ZNF385D: variants seen among roughly 807,000 people sequenced by gnomAD.
ZNF385D encodes zinc finger protein 659.
A neutral mutation model predicts 35.8 loss-of-function variants in ZNF385D; 15 were observed. That is an observed-to-expected ratio of 0.42 (90% CI 0.28 to 0.64). The LOEUF (loss-of-function observed/expected upper bound fraction) is 0.64, where lower values mean the gene tolerates loss of function less well. Ranked by LOEUF, ZNF385D falls within the 30% of genes least tolerant of loss-of-function variation. ZNF385D has a pLI of 0.23. For missense variants in ZNF385D, 474 were observed against 494.6 expected (o/e 0.96, Z 0.39); for synonymous variants, 212 against 186.8 (o/e 1.13, Z -1.10).
At chr3:21,922,335 T>A (rs1285540624) in intron 3 of ZNF385D, among the ~76,000 whole-genome samples, 1 of 151,948 alleles carries the variant, frequency 6.6e-6, no homozygotes, top group African/African-American at 2.4e-5. Flanking sequence ...GAAAAAGCAC[T>A]CATAAGCAAA....
chr3:22,261,921 G>T (rs114801782), intron 2 of ZNF385D, among the ~76,000 whole-genome samples: 2,385 of 151,542 alleles, frequency 0.016, 48 homozygotes, highest in African/African-American at 0.053. Context: ...ACCTTTTTTT[G>T]TTGTTGTTGT....
chr3:21,876,567 T>C (rs1697984468), intron 3 of ZNF385D, among the ~76,000 whole-genome samples: 1 of 152,004 alleles, frequency 6.6e-6, no homozygotes, highest in Non-Finnish European at 1.5e-5. Context: ...ATTACGTTTA[T>C]TGAGCACCTA....
intron 3 of ZNF385D, among the ~76,000 whole-genome samples, chr3:21,810,154 CA>C (rs35884363): frequency 0.086 from 13,015 of 152,012 alleles, 682 homozygotes; most frequent in Middle Eastern, 0.12. Context: ...AAAATATTAA[CA>C]AATCAAATCT....
intron 3 of ZNF385D, among the ~76,000 whole-genome samples, chr3:21,997,557 G>GAA (rs35859359): frequency 0.12 from 17,975 of 145,092 alleles, 1,289 homozygotes; most frequent in Non-Finnish European, 0.16. Flanking sequence ...TATCTCTGCA[G>GAA]AAAAAAAAAA....
intron 2 of ZNF385D, among the ~76,000 whole-genome samples, chr3:22,218,380 A>G (rs1698027516): frequency 6.6e-6 from 1 of 151,956 alleles, no homozygotes; most frequent in South Asian, 2.1e-4. Flanking sequence ...TTGACTTTTG[A>G]AAACTAACTT....
At chr3:22,203,591 TGTGGACCCATC>T (rs1696951051) in intron 2 of ZNF385D, among the ~76,000 whole-genome samples, 1 of 152,134 alleles carries the variant, frequency 6.6e-6, no homozygotes, top group Non-Finnish European at 1.5e-5. Context: ...GGATGGCATT[TGTGGACCCATC>T]ATGGGCCAGA....
intron 2 of ZNF385D, among the ~76,000 whole-genome samples, chr3:21,614,734 G>C (rs188243779): frequency 1.2e-4 from 19 of 152,282 alleles, no homozygotes; most frequent in Non-Finnish European, 2.2e-4. Context: ...GACTGCAGGC[G>C]AATGCCACCT....
intron 3 of ZNF385D, among the ~76,000 whole-genome samples, chr3:22,042,130 T>G (rs1425699723): frequency 6.6e-6 from 1 of 152,152 alleles, no homozygotes. Context: ...TGGCCTTATG[T>G]ATTTCCAGCT....
intron 4 of ZNF385D, among the ~76,000 whole-genome samples, chr3:21,481,361 G>A (rs1011834775): frequency 1.7e-4 from 26 of 152,240 alleles, no homozygotes; most frequent in African/African-American, 5.3e-4. Context: ...CCCTTGTGGA[G>A]CTTGGTGAGA....
intron 4 of ZNF385D, among the ~76,000 whole-genome samples, chr3:21,443,748 G>A (rs1235329224): frequency 6.6e-6 from 1 of 152,128 alleles, no homozygotes; most frequent in Non-Finnish European, 1.5e-5. Flanking sequence ...TGTTCTAAGG[G>A]ATTGGGTGAC....
intron 3 of ZNF385D, among the ~76,000 whole-genome samples, chr3:21,859,937 A>G (rs1450676218): frequency 1.3e-5 from 2 of 152,160 alleles, no homozygotes; most frequent in Middle Eastern, 3.4e-3. Flanking sequence ...CACGCTCTGC[A>G]TCCTGCTGAA....
rs1043650842 is a variant in ZNF385D at position 21,827,062 on chromosome 3, G to C, written c.326-162034C>G. Among the ~76,000 whole-genome samples, 3 of 152,166 alleles carry C rather than the reference G, an allele frequency of 2.0e-5. No homozygotes were observed. In the East Asian group the frequency reaches 5.8e-4, roughly 29 times the overall value. On this transcript the variant is annotated intron_variant, in intron 3 of 5. Coordinates refer to the ZNF385D transcript ENST00000494108. ...TTTGCCATTAAAAGTAATGGCAAAA[G>C]TGGAGAGTCTAATAAATACCTATTT...
intron 3 of ZNF385D, among the ~76,000 whole-genome samples, chr3:21,898,677 T>C (rs1275512995): frequency 1.3e-5 from 2 of 152,032 alleles, no homozygotes; most frequent in African/African-American, 4.8e-5. Context: ...ACAAAAACAA[T>C]AGGCCCTTTT....
At chr3:21,736,267 T>A (rs964578056) in intron 1 of ZNF385D, among the ~76,000 whole-genome samples, 4 of 152,200 alleles carry the variant, frequency 2.6e-5, no homozygotes, top group African/African-American at 9.7e-5. Flanking sequence ...GAAATTTTGT[T>A]TCCTTGATAA....
intron 4 of ZNF385D, among the ~76,000 whole-genome samples, chr3:21,500,883 T>A (rs758601804): frequency 1.3e-5 from 2 of 152,180 alleles, no homozygotes; most frequent in Non-Finnish European, 2.9e-5. Flanking sequence ...TGGCAATCTT[T>A]GATATACAAA....
chr3:21,494,650 T>A (rs1705688122), intron 4 of ZNF385D, among the ~76,000 whole-genome samples: 1 of 152,150 alleles, frequency 6.6e-6, no homozygotes, highest in African/African-American at 2.4e-5. Flanking sequence ...TCTGTAAATT[T>A]AAGAACATTT....
At chr3:21,920,112 C>T (rs1349893727) in intron 3 of ZNF385D, among the ~76,000 whole-genome samples, 1 of 152,078 alleles carries the variant, frequency 6.6e-6, no homozygotes, top group East Asian at 1.9e-4. Flanking sequence ...TAAAAGGAAA[C>T]AAACAAAGAA....
chr3:21,851,135 G>T (rs911659051), intron 3 of ZNF385D, among the ~76,000 whole-genome samples: 25 of 151,856 alleles, frequency 1.6e-4, no homozygotes, highest in Non-Finnish European at 3.4e-4. Context: ...AAGACAAATG[G>T]AAAGTACATT....
rs111622850 is a variant in ZNF385D, at chr3:22,162,797, T to C, written c.325+6020A>G. Among the ~76,000 whole-genome samples the C allele has an allele frequency of 4.5e-4, 68 of 152,326 alleles. 1 individual carries two copies. Among genetic ancestry groups the C allele is most frequent in the South Asian group, 2.1e-3 (10 of 4,830 alleles). On this transcript the variant is annotated intron_variant, in intron 3 of 5. Transcript: ENST00000494108. ...TGTTAATTGACCTCTCTATGGTCAA[T>C]TGATGTCAACAGAATCAGAGATGAA...
Sources: allele counts gnomAD v4.1 joint callset (sites outside exome capture counted in the v4.1 genomes callset), GRCh38; gene constraint gnomAD v4.1.1; transcripts MANE v1.5; gene names NCBI Gene and HGNC (gene_info 2026-07-23, HGNC 2026-07-21).